CTNNA3: variants seen among roughly 807,000 people sequenced by gnomAD.
CTNNA3 encodes the protein catenin alpha 3, also known as catenin alpha-3.
Under a neutral mutation model 95.7 loss-of-function variants are expected in CTNNA3, and 76 were observed. That is an observed-to-expected ratio of 0.79 (90% CI 0.66 to 0.96). The LOEUF is 0.96. CTNNA3 is among the 40% of genes least tolerant of loss of function. The pLI is 0.00. For synonymous variants in CTNNA3, 431 were observed against 374.4 expected, an observed-to-expected ratio of 1.15 and a Z score of -1.74; for missense variants, 1,191 against 1,089.8, an observed-to-expected ratio of 1.09 and a Z score of -1.31.
At chr10:66,036,836 T>C (rs1009749725) in intron 15 of CTNNA3, among the ~76,000 whole-genome samples, 1 of 150,922 alleles carries the variant, frequency 6.6e-6, no homozygotes, top group Non-Finnish European at 1.5e-5. Context: ...ATCATAGAAA[T>C]GCATAAAATT....
chr10:66,366,445 A>G (rs185012456), intron 12 of CTNNA3, among the ~76,000 whole-genome samples: 11 of 152,298 alleles, frequency 7.2e-5, no homozygotes, highest in East Asian at 3.9e-4. Context: ...CTATTCGCCA[A>G]TGCAATAGTA....
chr10:66,538,741 G>T (rs1841743670), intron 10 of CTNNA3, among the ~76,000 whole-genome samples: 1 of 152,112 alleles, frequency 6.6e-6, no homozygotes. Context: ...AACTGCTGTG[G>T]ATTTAAAGAA....
At chr10:66,600,681 G>A (rs752249215) in intron 10 of CTNNA3, among the ~76,000 whole-genome samples, 1 of 151,806 alleles carries the variant, frequency 6.6e-6, no homozygotes, top group African/African-American at 2.4e-5. Flanking sequence ...GTATGATACA[G>A]AAATTGTAAA....
chr10:67,649,365 A>G (rs958427358), intron 1 of CTNNA3, among the ~76,000 whole-genome samples: 3 of 152,254 alleles, frequency 2.0e-5, no homozygotes, highest in Non-Finnish European at 4.4e-5. Flanking sequence ...AATTATCCAT[A>G]TCATATGTAA....
At chr10:67,118,174 C>T (rs1232715273) in intron 7 of CTNNA3, among the ~76,000 whole-genome samples, 1 of 151,976 alleles carries the variant, frequency 6.6e-6, no homozygotes, top group Non-Finnish European at 1.5e-5. Context: ...AAGAATAATG[C>T]AAAAGAATTA....
intron 17 of CTNNA3, among the ~76,000 whole-genome samples, chr10:65,939,558 C>T (rs2077396456): frequency 6.6e-6 from 1 of 152,084 alleles, no homozygotes; most frequent in Admixed American, 6.6e-5. Flanking sequence ...GGACACATTC[C>T]TATATTAATA....
At chr10:67,282,831 C>T (rs1228985481) in intron 5 of CTNNA3, among the ~76,000 whole-genome samples, 2 of 152,120 alleles carry the variant, frequency 1.3e-5, no homozygotes, top group Admixed American at 6.5e-5. Flanking sequence ...TTTATTTGAC[C>T]TTCTCCTGCA....
At chr10:66,348,500 A>G (rs563862411) in intron 12 of CTNNA3, among the ~76,000 whole-genome samples, 1 of 152,246 alleles carries the variant, frequency 6.6e-6, no homozygotes, top group South Asian at 2.1e-4. Context: ...AAAACAATAC[A>G]GGGAAACTAT....
rs896239333 is a variant in CTNNA3, at chr10:66,033,291, C to T, written c.2159+36017G>A. Among the ~76,000 whole-genome samples, 5 of 151,810 alleles carry T rather than the reference C, an allele frequency of 3.3e-5. No homozygotes were observed. The East Asian group carries it at 7.8e-4, about 24-fold the overall frequency. ...GACTACAGGCGCCCACCACCACGCC[C>T]GGCTAATTTTGTTTTTTGTATTTTT... On this transcript the variant is annotated intron_variant, in intron 15 of 17. Coordinates refer to ENST00000433211, the MANE Select transcript of CTNNA3 (RefSeq NM_013266.4).
intron 5 of CTNNA3, among the ~76,000 whole-genome samples, chr10:67,384,006 C>G (rs1182889541): frequency 6.6e-6 from 1 of 152,094 alleles, no homozygotes; most frequent in Non-Finnish European, 1.5e-5. Context: ...GATTCCTTAC[C>G]ATTTACACCA....
chr10:67,010,154 C>T (rs1192505802), intron 7 of CTNNA3, among the ~76,000 whole-genome samples: 8 of 152,104 alleles, frequency 5.3e-5, no homozygotes, highest in African/African-American at 1.9e-4. Context: ...AAAATAAACA[C>T]ACACGCATAT....
At chr10:66,246,390 C>T (rs1455909900) in intron 13 of CTNNA3, among the ~76,000 whole-genome samples, 4 of 152,018 alleles carry the variant, frequency 2.6e-5, no homozygotes, top group African/African-American at 9.7e-5. Context: ...GTTTGGCTGG[C>T]TGCAGCAGTA....
intron 12 of CTNNA3, among the ~76,000 whole-genome samples, chr10:66,292,440 G>A (rs955718181): frequency 2.6e-5 from 4 of 152,064 alleles, no homozygotes; most frequent in Non-Finnish European, 5.9e-5. Context: ...AAGGTCAAAG[G>A]AGTTATCATT....
At chr10:66,664,889 T>TAAAA (rs56801434) in intron 9 of CTNNA3, among the ~76,000 whole-genome samples, 5 of 134,518 alleles carry the variant, frequency 3.7e-5, no homozygotes, top group Non-Finnish European at 4.9e-5. Context: ...CTGAAAAAAT[T>TAAAA]AAAAAAAAAA....
At chr10:66,416,919 C>A (rs960655366) in intron 11 of CTNNA3, among the ~76,000 whole-genome samples, 1 of 152,096 alleles carries the variant, frequency 6.6e-6, no homozygotes, top group East Asian at 1.9e-4. Context: ...GGCTCAAATA[C>A]TATCCCTACA....
At chr10:67,188,651 C>G (rs1158277413) in intron 6 of CTNNA3, among the ~76,000 whole-genome samples, 2 of 152,028 alleles carry the variant, frequency 1.3e-5, no homozygotes, top group East Asian at 3.8e-4. Context: ...TGTATATATC[C>G]AAGGGAAATG....
intron 13 of CTNNA3, among the ~76,000 whole-genome samples, chr10:66,199,780 TA>T (rs1564755707): frequency 1.8e-3 from 19 of 10,614 alleles, no homozygotes; most frequent in Non-Finnish European, 3.2e-3. Context: ...TATATATATA[TA>T]TATATATATA....
chr10:67,128,581 T>C (rs1277437800), intron 7 of CTNNA3, among the ~76,000 whole-genome samples: 1 of 152,156 alleles, frequency 6.6e-6, no homozygotes, highest in Non-Finnish European at 1.5e-5. Context: ...CTTTTGTTCC[T>C]TTAACAGCTT....
intron 17 of CTNNA3, among the ~76,000 whole-genome samples, chr10:65,953,800 G>C (rs2077671145): frequency 6.6e-6 from 1 of 152,156 alleles, no homozygotes; most frequent in South Asian, 2.1e-4. Flanking sequence ...GGACATTTGG[G>C]TTGGTTCCAA....
Sources: allele counts gnomAD v4.1 joint callset (sites outside exome capture counted in the v4.1 genomes callset), GRCh38; gene constraint gnomAD v4.1.1; transcripts MANE v1.5; gene names NCBI Gene and HGNC (gene_info 2026-07-23, HGNC 2026-07-21).